GRID2: variants seen among roughly 807,000 people sequenced by gnomAD.
The protein encoded by GRID2 is glutamate receptor ionotropic, delta-2.
Under a neutral mutation model 114.8 loss-of-function variants are expected in GRID2, and 33 were observed. The observed-to-expected ratio is 0.29, with a 90% CI of 0.22 to 0.38. The LOEUF (loss-of-function observed/expected upper bound fraction) is 0.38. GRID2 is among the 10% of genes least tolerant of loss of function. GRID2 has a pLI of 1.00. For missense variants in GRID2, 1,184 were observed against 1,257.7 expected, an observed-to-expected ratio of 0.94 and a Z score of 0.89; for synonymous variants, 505 against 449.9, an observed-to-expected ratio of 1.12 and a Z score of -1.55.
At chr4:92,473,653 T>G (rs910526662) in intron 1 of GRID2, among the ~76,000 whole-genome samples, 2 of 152,098 alleles carry the variant, frequency 1.3e-5, no homozygotes, top group African/African-American at 2.4e-5. Flanking sequence ...AAATATTCTT[T>G]ATGAATTTGA....
At chr4:92,437,851 C>T (rs375281549) in intron 1 of GRID2, among the ~76,000 whole-genome samples, 2 of 152,250 alleles carry the variant, frequency 1.3e-5, no homozygotes, top group East Asian at 3.9e-4. Flanking sequence ...CTAAAGAAAA[C>T]AAAATTGCTT....
At chr4:92,778,523 G>A (rs1738913865) in intron 2 of GRID2, among the ~76,000 whole-genome samples, 1 of 151,896 alleles carries the variant, frequency 6.6e-6, no homozygotes, top group Admixed American at 6.6e-5. Context: ...TTTTGACAAC[G>A]GTTTTACGAC....
At chr4:92,375,529 G>A (rs1031632365) in intron 1 of GRID2, among the ~76,000 whole-genome samples, 12 of 152,060 alleles carry the variant, frequency 7.9e-5, no homozygotes, top group African/African-American at 2.7e-4. Flanking sequence ...TTCCATGCGT[G>A]GGATCTCTTT....
intron 2 of GRID2, among the ~76,000 whole-genome samples, chr4:93,030,975 A>C (rs1027313742): frequency 6.6e-6 from 1 of 151,890 alleles, no homozygotes; most frequent in African/African-American, 2.4e-5. Context: ...ATTGTCATGA[A>C]ATTTTAATGA....
intron 1 of GRID2, among the ~76,000 whole-genome samples, chr4:92,311,384 T>C (rs1206850343): frequency 3.9e-5 from 6 of 152,050 alleles, no homozygotes; most frequent in Non-Finnish European, 8.8e-5. Flanking sequence ...TGAGGCTGAG[T>C]TGACCCCGAA....
At chr4:93,003,827 C>A (rs1721243624) in intron 2 of GRID2, among the ~76,000 whole-genome samples, 1 of 151,958 alleles carries the variant, frequency 6.6e-6, no homozygotes, top group Non-Finnish European at 1.5e-5. Flanking sequence ...TCAACATCTT[C>A]AGCAACTAGT....
chr4:93,521,466 G>T (rs765755753), intron 13 of GRID2, among the ~76,000 whole-genome samples: 2 of 152,054 alleles, frequency 1.3e-5, no homozygotes, highest in Non-Finnish European at 2.9e-5. Flanking sequence ...AAAACCAAAA[G>T]AAAAGAAGAA....
At chr4:92,736,620 G>A (rs1007178404) in intron 2 of GRID2, among the ~76,000 whole-genome samples, 18 of 152,006 alleles carry the variant, frequency 1.2e-4, no homozygotes, top group African/African-American at 4.1e-4. Flanking sequence ...CAACAAACAC[G>A]TACTTAGGCT....
intron 2 of GRID2, among the ~76,000 whole-genome samples, chr4:92,769,813 GC>G (rs1485961631): frequency 6.6e-6 from 1 of 152,116 alleles, no homozygotes; most frequent in Non-Finnish European, 1.5e-5. Flanking sequence ...GGGACCCAGG[GC>G]CCAGTCCACA....
intron 4 of GRID2, among the ~76,000 whole-genome samples, chr4:93,140,572 A>G (rs1326165875): frequency 2.0e-5 from 3 of 152,192 alleles, no homozygotes; most frequent in African/African-American, 7.2e-5. Context: ...TACCTCACGT[A>G]CCCTCTGACA....
At chr4:93,636,795 ACT>A (rs933860576) in intron 14 of GRID2, among the ~76,000 whole-genome samples, 5 of 152,024 alleles carry the variant, frequency 3.3e-5, no homozygotes, top group South Asian at 2.1e-4. Context: ...CATTTAGATA[ACT>A]CTCTAATTTT....
intron 1 of GRID2, among the ~76,000 whole-genome samples, chr4:92,341,010 ATAAGT>A (rs569274869): frequency 1.2e-4 from 18 of 152,248 alleles, no homozygotes; most frequent in East Asian, 9.7e-4. Context: ...AATATTATAA[ATAAGT>A]TAAGTTCTAA....
intron 8 of GRID2, among the ~76,000 whole-genome samples, chr4:93,360,732 A>G: frequency 6.6e-6 from 1 of 151,078 alleles, no homozygotes. Context: ...GGGATATCCA[A>G]TTTGTTTTAT....
chr4:93,061,232 G>C lies in GRID2; in HGVS notation c.245-23763G>C, dbSNP rs372304431. Among the ~76,000 whole-genome samples, 22 of 131,626 alleles carry C rather than the reference G, an allele frequency of 1.7e-4. No individual in the cohort carries two copies. In the East Asian group the frequency reaches 3.6e-3, roughly 22 times the overall value. The allele number at this position is 131,626 out of a possible 152,430, so 86.4% of individuals were successfully genotyped here. A position where few individuals can be genotyped will look rare whatever the true frequency, so the allele number is the denominator to read the frequency against. ...TTTTTTAATGCCTAACAAATACCTT[G>C]AAATTTCAGGGGGTTACAATAAAAT... is the stretch of plus-strand genomic sequence containing the variant. On this transcript the variant is annotated intron_variant, in intron 2 of 15. Coordinates refer to ENST00000282020, the MANE Select transcript of GRID2 (RefSeq NM_001510.4).
intron 2 of GRID2, among the ~76,000 whole-genome samples, chr4:92,754,059 G>A (rs1578146156): frequency 6.6e-6 from 1 of 152,126 alleles, no homozygotes; most frequent in South Asian, 2.1e-4. Context: ...ATTTGCTAAT[G>A]CATAACCTGT....
intron 14 of GRID2, among the ~76,000 whole-genome samples, chr4:93,736,059 G>T (rs965825952): frequency 6.6e-6 from 1 of 151,896 alleles, no homozygotes; most frequent in Admixed American, 6.6e-5. Context: ...CTGTATTTCT[G>T]TTCAAAACGA....
intron 1 of GRID2, among the ~76,000 whole-genome samples, chr4:92,419,585 T>A (rs919539360): frequency 2.6e-5 from 4 of 152,144 alleles, no homozygotes; most frequent in African/African-American, 9.7e-5. Context: ...TTGGGCAGGT[T>A]CAAGTGGGAA....
At chr4:93,091,971 G>A (rs1730833189) in intron 3 of GRID2, among the ~76,000 whole-genome samples, 1 of 152,112 alleles carries the variant, frequency 6.6e-6, no homozygotes. Flanking sequence ...AATCCCACAC[G>A]ACTTTCATGT....
intron 8 of GRID2, among the ~76,000 whole-genome samples, chr4:93,296,134 C>T (rs1464739743): frequency 1.3e-5 from 2 of 152,180 alleles, no homozygotes; most frequent in Non-Finnish European, 2.9e-5. Context: ...CGTCCAGGGC[C>T]TCTAACCTGC....
Sources: gnomAD v4.1 joint callset for allele counts (sites outside exome capture counted in the v4.1 genomes callset) on GRCh38, gnomAD v4.1.1 for gene constraint, MANE v1.5 for transcripts, NCBI Gene and HGNC (gene_info 2026-07-23, HGNC 2026-07-21) for gene names.